DACT2: variants seen among roughly 807,000 people sequenced by gnomAD.
The protein encoded by DACT2 is dishevelled binding antagonist of beta catenin 2, also known as dapper homolog 2.
In DACT2, 20 loss-of-function variants were observed where a neutral mutation model predicts 22.2. That is an observed-to-expected ratio of 0.90 (90% confidence interval 0.63 to 1.31). The LOEUF (loss-of-function observed/expected upper bound fraction) is 1.31, where lower values mean the gene tolerates loss of function less well. Ranked by LOEUF, DACT2 falls within the 50% of genes most tolerant of loss-of-function variation. The pLI is 0.00. For synonymous variants in DACT2, 463 were observed against 479.8 expected (o/e 0.96, Z 0.46); for missense variants, 1,048 against 1,061.4 (o/e 0.99, Z 0.18).
At chr6:168,299,781 A>C (rs1034838500) in intron 3 of DACT2, 2 of 152,312 alleles carry the variant, frequency 1.3e-5, no homozygotes, top group Non-Finnish European at 2.9e-5. Flanking sequence ...CGCGTCCCTG[A>C]AGGCTCCATC....
downstream of DACT2, chr6:168,306,875 T>C (rs1029838634): frequency 1.0e-6 from 1 of 987,788 alleles, no homozygotes; most frequent in Non-Finnish European, 1.2e-6. Flanking sequence ...CCCTACCATG[T>C]GCCACACAAG....
At chr6:168,305,974 T>C (rs1271531942), downstream of DACT2, among the ~76,000 whole-genome samples, 1 of 152,210 alleles carries the variant, frequency 6.6e-6, no homozygotes, top group African/African-American at 2.4e-5. Context: ...GCTTGCATTT[T>C]CTCGTGGTGT....
At chr6:168,319,210 C>A (rs1273636211) in intron 1 of DACT2, among the ~76,000 whole-genome samples, 178 bp downstream of exon 1, 3 of 152,122 alleles carry the variant, frequency 2.0e-5, no homozygotes, top group Non-Finnish European at 4.4e-5. Flanking sequence ...TAGGCACCTG[C>A]GCGCGGGGCC....
chr6:168,294,547 A>C, intron 4 of DACT2: 2 of 752,502 alleles, frequency 2.7e-6, no homozygotes, highest in Non-Finnish European at 3.8e-6. Context: ...ATAATAAAAT[A>C]TGTGTGTGTG....
chr6:168,314,214 C>T (rs1363514521), intron 1 of DACT2, among the ~76,000 whole-genome samples: 1 of 152,214 alleles, frequency 6.6e-6, no homozygotes, highest in Non-Finnish European at 1.5e-5. Flanking sequence ...CAGCAGCAAG[C>T]GAGCCCTGGA....
exon 6 of DACT2, chr6:168,292,841 A>G (rs1441906618): frequency 6.6e-6 from 1 of 152,248 alleles, no homozygotes; most frequent in Admixed American, 6.5e-5. Context: ...TGTCTTTTAC[A>G]TACCATTTAT....
Position 168,308,287 on chromosome 6 carries a change from A to G in DACT2, c.1470T>C (p.Gly490=). The G allele has an allele frequency of 6.4e-7, 1 of 1,551,920 alleles. No individual in the cohort carries two copies. The part of the protein sequence containing the change: ...HPSFAASLKM[G]PPKSKAEKIK... ...TTTTTTCAGCCTTGCTCTTGGGGGGACCCATTTTCAGGCTGGCAGCAAAGG... is the reference window on the plus strand; with the variant it reads ...TTTTTTCAGCCTTGCTCTTGGGGGGGCCCATTTTCAGGCTGGCAGCAAAGG... The change falls in exon 4 of 4, where the codon GGT becomes GGC. Residue 490 remains glycine (G), a synonymous_variant. Transcript: ENST00000366795.
chr6:168,305,812 A>G (rs909212012), downstream of DACT2, among the ~76,000 whole-genome samples: 5 of 152,198 alleles, frequency 3.3e-5, no homozygotes, highest in Admixed American at 6.5e-5. Context: ...GTGGGTTTGA[A>G]TCATCCTTTT....
At chr6:168,304,076 A>G (rs1174762370), downstream of DACT2, among the ~76,000 whole-genome samples, 1 of 152,162 alleles carries the variant, frequency 6.6e-6, no homozygotes, top group Non-Finnish European at 1.5e-5. Context: ...CAAATTCTAC[A>G]TTGTCTACTT....
Position 168,307,302 on chromosome 6 carries a change from T to A in DACT2, c.*130A>T. On this transcript the variant is annotated 3_prime_UTR_variant, in exon 4 of 4. Transcript: ENST00000366795. This position sits in a 1 kb window ranked among gnomAD's most constrained non-coding sequence, Gnocchi z 5.3. ...CAGGGCAGAACCCATCTGCGGGGACTCCTGTTAAACGGTGGCCTCGGAAGA... is the reference window on the plus strand; with the variant it reads ...CAGGGCAGAACCCATCTGCGGGGACACCTGTTAAACGGTGGCCTCGGAAGA... 6.8e-7 allele frequency: 1 copy of A among 1,472,116 alleles called. No individual in the cohort carries two copies. Among genetic ancestry groups the A allele is most frequent in the Non-Finnish European group, 9.0e-7 (1 of 1,112,640 alleles). 91.2% of individuals were successfully genotyped at this position (1,472,116 alleles called of 1,614,324 possible). A position where few individuals can be genotyped will look rare whatever the true frequency, so the allele number is the denominator to read the frequency against.
chr6:168,306,499 G>A (rs1779210022), downstream of DACT2, among the ~76,000 whole-genome samples: 2 of 151,436 alleles, frequency 1.3e-5, no homozygotes, highest in Non-Finnish European at 1.5e-5. Flanking sequence ...CTGGAGTGCA[G>A]TGGCGCAATC....
downstream of DACT2, among the ~76,000 whole-genome samples, chr6:168,304,224 C>T (rs754492437): frequency 8.5e-5 from 13 of 152,208 alleles, no homozygotes; most frequent in Non-Finnish European, 1.3e-4. Flanking sequence ...TTCATTTCTG[C>T]TTCTGTGTGA....
downstream of DACT2, among the ~76,000 whole-genome samples, chr6:168,305,278 C>A (rs932463752): frequency 6.6e-6 from 1 of 152,156 alleles, no homozygotes; most frequent in African/African-American, 2.4e-5. Context: ...GGAAGGAATT[C>A]GCTTGGCTGG....
rs1779285778 is a variant in DACT2, at chr6:168,308,365, G to A, written c.1392C>T (p.Ser464=). The part of the protein sequence containing the change: ...DYGRGNIISP[S]RMLDKSPSPA... ...GTGAGGGGCTCTTGTCCAGCATCCTGGATGGGGATATGATGTTGCCTCGTC... is the reference window on the plus strand; with the variant it reads ...GTGAGGGGCTCTTGTCCAGCATCCTAGATGGGGATATGATGTTGCCTCGTC... Residue 464 remains serine, a synonymous_variant, in exon 4 of 4, where the codon TCC becomes TCT. Transcript: ENST00000366795. 1.3e-6 allele frequency: 2 copies of A among 1,551,940 alleles called. No individual in the cohort carries two copies. Among genetic ancestry groups the A allele is most frequent in the Non-Finnish European group, 1.7e-6 (2 of 1,147,032 alleles).
At chr6:168,315,752 C>T (rs959027284) in intron 1 of DACT2, among the ~76,000 whole-genome samples, 1 of 152,172 alleles carries the variant, frequency 6.6e-6, no homozygotes, top group African/African-American at 2.4e-5. Flanking sequence ...CAGGCTAAAT[C>T]TGCTCAAGGT....
At chr6:168,294,332 C>T in intron 4 of DACT2, 1 of 677,538 alleles carries the variant, frequency 1.5e-6, no homozygotes, top group Non-Finnish European at 2.7e-6. Context: ...GACGGCCACG[C>T]TTCTCCCCTC....
intron 1 of DACT2, among the ~76,000 whole-genome samples, chr6:168,312,919 G>A (rs80222079): frequency 2.6e-5 from 4 of 152,180 alleles, no homozygotes; most frequent in Admixed American, 6.5e-5. Context: ...CTATCAGCAC[G>A]GGTGAGGGGA....
rs1222410672 is a variant in DACT2, at chr6:168,294,528, A to G, written c.730+105T>C. ...TGTTCCCCTTTCTGTGTACCCTAGA[A>G]CTTAAAGTATAATAAAATATGTGTG... On this transcript the variant is annotated intron_variant, in intron 4 of 5. Coordinates refer to the DACT2 transcript ENST00000366796. The G allele has an allele frequency of 5.3e-6, 4 of 760,436 alleles. No homozygotes were observed. In the African/African-American group the frequency reaches 6.2e-5, roughly 12 times the overall value. 47.1% of individuals were successfully genotyped at this position (760,436 alleles called of 1,614,324 possible). A position where few individuals can be genotyped will look rare whatever the true frequency, so the allele number is the denominator to read the frequency against.
rs374609590 is a variant in DACT2, at chr6:168,307,752, C to T, written c.2005G>A (p.Glu669Lys). The T allele has an allele frequency of 3.5e-5, 54 of 1,547,752 alleles. No individual in the cohort carries two copies. Among genetic ancestry groups the T allele is most frequent in the Middle Eastern group, 1.7e-4 (1 of 6,014 alleles). Residue 669 changes from glutamate to lysine, a missense_variant, in exon 4 of 4, where the codon GAG becomes AAG. By Grantham distance (56) the Glu-to-Lys change is moderately conservative. Transcript: ENST00000366795. This position sits in a 1 kb window ranked among gnomAD's most constrained non-coding sequence, Gnocchi z 5.3. The part of the protein sequence containing the change: ...SDSEPSKHSA[E>K]CDPRFPSVIP... ...ACTGACGGGAACCGCGGGTCACACT[C>T]GGCCGAGTGCTTGGAGGGCTCTGAG...
Sources: gnomAD v4.1 joint callset for allele counts (sites outside exome capture counted in the v4.1 genomes callset) on GRCh38, gnomAD v4.1.1 for gene constraint, Gnocchi (gnomAD v3.1) non-coding constraint, MANE v1.5 for transcripts, NCBI Gene and HGNC (gene_info 2026-07-23, HGNC 2026-07-21) for gene names.